The following DYNC1I1 variants were observed in gnomAD, a reference collection of about 807,000 sequenced individuals.
The protein encoded by DYNC1I1 is cytoplasmic dynein 1 intermediate chain 1.
DYNC1I1 carries 43 observed loss-of-function variants against 86.6 expected under a neutral mutation model. The observed-to-expected ratio is 0.50, with a 90% CI of 0.39 to 0.64. The LOEUF is 0.64. Among genes scored for constraint, DYNC1I1 ranks in the 30% least tolerant of loss-of-function variants. The pLI is 0.00. For synonymous variants in DYNC1I1, 262 were observed against 283.7 expected, an observed-to-expected ratio of 0.92 and a Z score of 0.77; for missense variants, 604 against 788.8, an observed-to-expected ratio of 0.77 and a Z score of 2.81.
intron 14 of DYNC1I1, among the ~76,000 whole-genome samples, chr7:96,051,165 T>C (rs1408098322): frequency 6.6e-6 from 1 of 152,128 alleles, no homozygotes; most frequent in Non-Finnish European, 1.5e-5. Flanking sequence ...TATTAATGCA[T>C]CCAGTTTGGA....
chr7:95,971,540 C>T (rs1793171067), intron 6 of DYNC1I1, among the ~76,000 whole-genome samples: 1 of 152,118 alleles, frequency 6.6e-6, no homozygotes, highest in Admixed American at 6.5e-5. Context: ...TTATATCTCT[C>T]CAAGTCTATT....
chr7:95,936,956 T>TCACACACACACACACA (rs57989893), intron 6 of DYNC1I1, among the ~76,000 whole-genome samples: 1,986 of 134,206 alleles, frequency 0.015, 36 homozygotes, highest in South Asian at 0.059. Context: ...AGAATATGTC[T>TCACACACACACACACA]CACACACACA....
rs550741121 is a variant in DYNC1I1 at position 95,877,969 on chromosome 7, G to A, written c.490+7971G>A. Among the ~76,000 whole-genome samples, 35 of 152,294 alleles carry A rather than the reference G, an allele frequency of 2.3e-4. No individual in the cohort carries two copies. The South Asian group carries it at 3.5e-3, about 15-fold the overall frequency. ...TAACTATGCACATGCCCAAGGCTGC[G>A]CCCTTCCAGGACCAGTATGAGAGGA... is the stretch of plus-strand genomic sequence containing the variant. On this transcript the variant is annotated intron_variant, in intron 6 of 16. Transcript: ENST00000447467.
At chr7:95,858,239 A>G (rs1282485973) in intron 5 of DYNC1I1, among the ~76,000 whole-genome samples, 2 of 152,170 alleles carry the variant, frequency 1.3e-5, no homozygotes, top group East Asian at 3.9e-4. Flanking sequence ...TTCCAGGTCA[A>G]TCACTTGATA....
chr7:95,942,274 G>A (rs1562951091), intron 6 of DYNC1I1, among the ~76,000 whole-genome samples: 1 of 151,996 alleles, frequency 6.6e-6, no homozygotes, highest in Non-Finnish European at 1.5e-5. Flanking sequence ...AAATCTAGAA[G>A]AAATCGATAA....
chr7:95,947,847 G>C (rs533611542), intron 6 of DYNC1I1, among the ~76,000 whole-genome samples: 1 of 152,312 alleles, frequency 6.6e-6, no homozygotes, highest in African/African-American at 2.4e-5. Flanking sequence ...TCACGGTTAT[G>C]TGGCTGAGAA....
At chr7:95,829,510 T>G (rs1234226948) in intron 5 of DYNC1I1, among the ~76,000 whole-genome samples, 1 of 152,132 alleles carries the variant, frequency 6.6e-6, no homozygotes, top group African/African-American at 2.4e-5. Context: ...CAGAATGCAG[T>G]TCTTCAAAAT....
intron 5 of DYNC1I1, 28 bp downstream of exon 5, chr7:95,828,144 TTTA>T (rs780049399): frequency 6.2e-7 from 1 of 1,612,864 alleles, no homozygotes; most frequent in Non-Finnish European, 8.5e-7. Context: ...TGTTACTCCT[TTTA>T]TTATTTCTTT....
intron 5 of DYNC1I1, among the ~76,000 whole-genome samples, chr7:95,844,102 G>A (rs1209939023): frequency 1.3e-5 from 2 of 152,180 alleles, no homozygotes; most frequent in African/African-American, 4.8e-5. Flanking sequence ...AAGAAGAGCA[G>A]GGCTGGGAGA....
intron 9 of DYNC1I1, among the ~76,000 whole-genome samples, chr7:95,994,536 A>G (rs908519665): frequency 6.6e-6 from 1 of 152,188 alleles, no homozygotes; most frequent in African/African-American, 2.4e-5. Flanking sequence ...TATGAGACTC[A>G]TAGGTACAGA....
intron 14 of DYNC1I1, among the ~76,000 whole-genome samples, chr7:96,039,740 C>T (rs1456719883): frequency 6.6e-6 from 1 of 152,144 alleles, no homozygotes. Flanking sequence ...ACCTCAGTCC[C>T]CTCCCCAGGG....
At chr7:96,008,228 T>TAGG (rs2115832205) in intron 10 of DYNC1I1, among the ~76,000 whole-genome samples, 1 of 152,252 alleles carries the variant, frequency 6.6e-6, no homozygotes, top group Admixed American at 6.5e-5. Flanking sequence ...AATTAATCCT[T>TAGG]TGAGGTGGTC....
chr7:95,870,824 A>G (rs571935460), intron 6 of DYNC1I1, among the ~76,000 whole-genome samples: 252 of 152,374 alleles, frequency 1.7e-3, no homozygotes, highest in Non-Finnish European at 9.4e-4. Context: ...GCAAAAGCAG[A>G]AGAGGGAGAT....
At chr7:95,843,257 C>T (rs1466053538) in intron 5 of DYNC1I1, among the ~76,000 whole-genome samples, 1 of 152,218 alleles carries the variant, frequency 6.6e-6, no homozygotes, top group Admixed American at 6.5e-5. Flanking sequence ...GCTGAATTCT[C>T]AAAGGCAAAC....
At chr7:96,063,367 A>T (rs1203586193) in intron 14 of DYNC1I1, among the ~76,000 whole-genome samples, 1 of 152,104 alleles carries the variant, frequency 6.6e-6, no homozygotes, top group Non-Finnish European at 1.5e-5. Flanking sequence ...AAGAGGAAAA[A>T]AAAAGTCTGC....
chr7:95,860,914 C>T (rs1475318575), intron 5 of DYNC1I1, among the ~76,000 whole-genome samples: 1 of 152,078 alleles, frequency 6.6e-6, no homozygotes, highest in Non-Finnish European at 1.5e-5. Context: ...CTAAAAGACC[C>T]CCCATCTTTT....
At chr7:96,005,504 C>G (rs544520209) in intron 10 of DYNC1I1, among the ~76,000 whole-genome samples, 2 of 152,262 alleles carry the variant, frequency 1.3e-5, no homozygotes, top group South Asian at 4.1e-4. Context: ...AGTAGTTCCC[C>G]CAGGACCCTA....
rs1791173408 is a variant in DYNC1I1 at position 96,103,829 on chromosome 7, G to A, written c.1543-6150G>A. 2.6e-5 allele frequency among the ~76,000 whole-genome samples: 4 copies of A among 152,208 alleles called. No individual in the cohort carries two copies. The South Asian group carries it at 8.3e-4, about 32-fold the overall frequency. On this transcript the variant is annotated intron_variant, in intron 16 of 16. Transcript: ENST00000537881. ...GGGTTTTACCGTGTTAGCAAGGATGGTCTGGATCTCCTGACCTCGTGATCC... is the reference window on the plus strand; with the variant it reads ...GGGTTTTACCGTGTTAGCAAGGATGATCTGGATCTCCTGACCTCGTGATCC...
At chr7:95,967,528 A>T (rs970778575) in intron 6 of DYNC1I1, among the ~76,000 whole-genome samples, 3 of 152,150 alleles carry the variant, frequency 2.0e-5, no homozygotes, top group African/African-American at 7.2e-5. Context: ...CCTTGAGTGT[A>T]TTGCCAAATG....
Sources: gnomAD v4.1 joint callset for allele counts (sites outside exome capture counted in the v4.1 genomes callset) on GRCh38, gnomAD v4.1.1 for gene constraint, MANE v1.5 for transcripts, NCBI Gene and HGNC (gene_info 2026-07-23, HGNC 2026-07-21) for gene names.